The following TK2 variants were observed in gnomAD, a reference collection of about 807,000 sequenced individuals.
TK2 encodes thymidine kinase 2, mitochondrial.
Under a neutral mutation model 41.9 loss-of-function variants are expected in TK2, and 35 were observed. The observed-to-expected ratio is 0.84, with a 90% CI of 0.64 to 1.11. TK2 has a LOEUF of 1.11. Ranked by LOEUF, TK2 falls within the 50% of genes least tolerant of loss-of-function variation. TK2 has a pLI of 0.00. For synonymous variants in TK2, 128 were observed against 129.1 expected (o/e 0.99, Z 0.06); for missense variants, 320 against 351.1 (o/e 0.91, Z 0.71).
chr16:66,513,324 A>G (rs1423806409), intron 9 of TK2, among the ~76,000 whole-genome samples: 1 of 152,238 alleles, frequency 6.6e-6, no homozygotes, highest in Non-Finnish European at 1.5e-5. Context: ...GACAGCCCAG[A>G]CCAGACAATG....
chr16:66,527,232 G>A (rs949941972), intron 6 of TK2, among the ~76,000 whole-genome samples: 1 of 152,182 alleles, frequency 6.6e-6, no homozygotes, highest in Non-Finnish European at 1.5e-5. Context: ...AGGCCAGGGG[G>A]CAAAGCCACG....
In TK2 at chr16:66,529,075, A is replaced by G. The variant is rs1411194087; in HGVS notation, c.376-8T>C. 1.9e-6 allele frequency: 3 copies of G among 1,613,838 alleles called. No individual in the cohort carries two copies. The highest frequency in any genetic ancestry group is 3.3e-5 in the Admixed American group (2 of 60,034). ...CAACCGTACAGATGACACCTAAAGG[A>G]AAACAAAAAGAGAATCACTAACTCA... On this transcript the variant is annotated splice_region_variant and splice_polypyrimidine_tract_variant and intron_variant, in intron 5 of 9. Transcript: ENST00000544898.
intron 8 of TK2, among the ~76,000 whole-genome samples, chr16:66,516,538 G>A (rs1272954334): frequency 1.3e-5 from 2 of 152,178 alleles, no homozygotes; most frequent in African/African-American, 2.4e-5. Context: ...GCAGCCTGGA[G>A]GCCAGATTTT....
At chr16:66,515,275 G>A (rs1054498071) in intron 8 of TK2, among the ~76,000 whole-genome samples, 1 of 152,084 alleles carries the variant, frequency 6.6e-6, no homozygotes, top group Non-Finnish European at 1.5e-5. Context: ...GCCCTGGGCA[G>A]CCTCTAAACC....
In TK2 at chr16:66,541,881, C is replaced by T. The variant is rs768662981; in HGVS notation, c.229G>A (p.Glu77Lys). 3 of 1,614,144 alleles carry T rather than the reference C, an allele frequency of 1.9e-6. No homozygotes were observed. Among genetic ancestry groups the T allele is most frequent in the Non-Finnish European group, 2.5e-6 (3 of 1,179,996 alleles). Residue 77 changes from glutamate (E) to lysine (K), a missense_variant and splice_region_variant, in exon 3 of 10, where the codon GAG becomes AAG. Physicochemically the swap from Glu to Lys is moderately conservative, Grantham distance 56. Transcript: ENST00000544898. ...LEFFSNATDV[E>K]VLTEPVSKWR... Reference sequence around the variant, plus strand: ...CAAACCTAGCATAGAGGCTGTACCTCGACGTCTGTCGCGTTGGAGAAGAAT... The same window carrying T: ...CAAACCTAGCATAGAGGCTGTACCTTGACGTCTGTCGCGTTGGAGAAGAAT...
Position 66,531,482 on chromosome 16 carries a change from A to G in TK2, c.286-13T>C. 6.2e-7 allele frequency: 1 copy of G among 1,613,730 alleles called. No homozygotes were observed. The highest frequency in any genetic ancestry group is 8.5e-7 in the Non-Finnish European group (1 of 1,179,690). ...GGTACATCAGGCCCTGCAGAAGGGAAAACACAGCACTTTCCATCAAAGTGG... is the reference window on the plus strand; with the variant it reads ...GGTACATCAGGCCCTGCAGAAGGGAGAACACAGCACTTTCCATCAAAGTGG... On this transcript the variant is annotated splice_polypyrimidine_tract_variant and intron_variant, in intron 4 of 9. Transcript: ENST00000544898.
intron 3 of TK2, among the ~76,000 whole-genome samples, chr16:66,537,562 G>A (rs1965325795): frequency 6.6e-6 from 1 of 152,214 alleles, no homozygotes. Context: ...CTCTGGTCCT[G>A]TTTGTACCTT....
At position 66,510,811 on chromosome 16, in the gene TK2, T is replaced by C. The variant is rs544366051; in HGVS notation, c.*1157A>G. On this transcript the variant is annotated 3_prime_UTR_variant, in exon 10 of 10. Coordinates refer to ENST00000544898, the MANE Select transcript of TK2 (RefSeq NM_004614.5). The stretch of plus-strand genomic sequence containing the variant: ...CTATCCCCAAAGGGAACGTTCTTTC[T>C]TTCTCTTGTTTTCTGCTTGATCCAA... 3.9e-5 allele frequency: 6 copies of C among 152,310 alleles called. No homozygotes were observed. The highest frequency in any genetic ancestry group is 1.4e-4 in the African/African-American group (6 of 41,578). 9.4% of individuals were successfully genotyped at this position (152,310 alleles called of 1,614,324 possible).
rs1161126856 is a variant in TK2, at chr16:66,510,234, G to C, written c.*1734C>G. 1.3e-5 allele frequency: 2 copies of C among 149,612 alleles called. No homozygotes were observed. Among genetic ancestry groups the C allele is most frequent in the African/African-American group, 2.5e-5 (1 of 40,644 alleles). 9.3% of individuals were successfully genotyped at this position (149,612 alleles called of 1,614,324 possible). A position where few individuals can be genotyped will look rare whatever the true frequency, so the allele number is the denominator to read the frequency against. On this transcript the variant is annotated 3_prime_UTR_variant, in exon 10 of 10. Coordinates refer to ENST00000544898, the MANE Select transcript of TK2 (RefSeq NM_004614.5). ...GCAAAAAAAAAAAAAAAAAAAGAGAGAGAAATCACATTTCCCCAAAAATGG... is the reference window on the plus strand; with the variant it reads ...GCAAAAAAAAAAAAAAAAAAAGAGACAGAAATCACATTTCCCCAAAAATGG...
Position 66,517,361 on chromosome 16 carries a change from G to A in TK2, c.539-146C>T, listed in dbSNP as rs1024204518. The A allele has an allele frequency of 6.6e-5, 51 of 773,740 alleles. No individual in the cohort carries two copies. The highest frequency in any genetic ancestry group is 4.7e-4 in the Admixed American group (26 of 55,384). 47.9% of individuals were successfully genotyped at this position (773,740 alleles called of 1,614,324 possible). A position where few individuals can be genotyped will look rare whatever the true frequency, so the allele number is the denominator to read the frequency against. ...CTCTTGGCTTGACCACTGACCCTCC[G>A]CCTCGACTTTCATTCTCTTTCAGTG... On this transcript the variant is annotated intron_variant, in intron 7 of 9. Coordinates refer to ENST00000544898, the MANE Select transcript of TK2 (RefSeq NM_004614.5). This position sits in a 1 kb window ranked among gnomAD's most constrained non-coding sequence, Gnocchi z 4.3.
At chr16:66,548,715 C>A in intron 2 of TK2, 1 of 472,104 alleles carries the variant, frequency 2.1e-6, no homozygotes, top group South Asian at 2.5e-5. Context: ...TCACAATCAT[C>A]CCTTAAGCTT....
intron 6 of TK2, among the ~76,000 whole-genome samples, chr16:66,519,368 G>A (rs1361515581): frequency 7.9e-5 from 12 of 152,024 alleles, no homozygotes; most frequent in Non-Finnish European, 1.5e-4. Flanking sequence ...TAGTAGACAC[G>A]GGGTTTCACT....
At chr16:66,542,153 G>C (rs1307899278) in intron 2 of TK2, among the ~76,000 whole-genome samples, 200 bp from the exon 3 acceptor site, 1 of 152,104 alleles carries the variant, frequency 6.6e-6, no homozygotes, top group African/African-American at 2.4e-5. Context: ...CTCCCTGAGT[G>C]GCAGGCTCAT....
rs996621165 is a variant in TK2 at position 66,511,715 on chromosome 16, T to C, written c.*253A>G. 8.9e-6 allele frequency: 5 copies of C among 563,870 alleles called. No individual in the cohort carries two copies. The highest frequency in any genetic ancestry group is 1.9e-5 in the South Asian group (1 of 51,562). 34.9% of individuals were successfully genotyped at this position (563,870 alleles called of 1,614,324 possible). Reference sequence around the variant, plus strand: ...AGAGCGACTCAGCAGCACAAAGCCATGGGAGAGGCACCGGGGGAATGTGAG... The same window carrying C: ...AGAGCGACTCAGCAGCACAAAGCCACGGGAGAGGCACCGGGGGAATGTGAG... On this transcript the variant is annotated 3_prime_UTR_variant, in exon 10 of 10. Transcript: ENST00000544898.
intron 2 of TK2, among the ~76,000 whole-genome samples, chr16:66,543,497 C>A (rs1965517132): frequency 6.6e-6 from 1 of 152,152 alleles, no homozygotes; most frequent in African/African-American, 2.4e-5. Flanking sequence ...GACAAACTGT[C>A]CCCTGAGAAC....
intron 4 of TK2, among the ~76,000 whole-genome samples, chr16:66,536,615 G>T (rs1965291414): frequency 6.6e-6 from 1 of 152,164 alleles, no homozygotes; most frequent in Non-Finnish European, 1.5e-5. Flanking sequence ...GGTCCTGGGG[G>T]GGTTAGGCCT....
chr16:66,533,592 A>T (rs1965186108), intron 4 of TK2, among the ~76,000 whole-genome samples: 1 of 152,124 alleles, frequency 6.6e-6, no homozygotes, highest in Non-Finnish European at 1.5e-5. Flanking sequence ...TTTTTAAAGA[A>T]GTTAAGCTCT....
At chr16:66,515,115 T>C (rs997394205) in intron 8 of TK2, among the ~76,000 whole-genome samples, 8 of 151,158 alleles carry the variant, frequency 5.3e-5, no homozygotes, top group African/African-American at 2.0e-4. Context: ...TATTGTCCTA[T>C]GACCCTGCCA....
At position 66,517,348 on chromosome 16, in the gene TK2, C is replaced by A; in HGVS notation, c.539-133G>T. The A allele has an allele frequency of 1.2e-6, 1 of 809,734 alleles. No individual in the cohort carries two copies. The highest frequency in any genetic ancestry group is 1.7e-5 in the Admixed American group (1 of 57,704). The allele number at this position is 809,734 out of a possible 1,614,324, so 50.2% of individuals were successfully genotyped here. On this transcript the variant is annotated intron_variant, in intron 7 of 9. Coordinates refer to ENST00000544898, the MANE Select transcript of TK2 (RefSeq NM_004614.5). This position sits in a 1 kb window ranked among gnomAD's most constrained non-coding sequence, Gnocchi z 4.3. ...CAGGGAGGGCCAGCTCTTGGCTTGA[C>A]CACTGACCCTCCGCCTCGACTTTCA...
Sources: allele counts gnomAD v4.1 joint callset (sites outside exome capture counted in the v4.1 genomes callset), GRCh38; gene constraint gnomAD v4.1.1; non-coding constraint Gnocchi (gnomAD v3.1); transcripts MANE v1.5; gene names NCBI Gene and HGNC (gene_info 2026-07-23, HGNC 2026-07-21).